PRSS3: variants seen among roughly 807,000 people sequenced by gnomAD.
PRSS3 encodes the protein serine protease 3.
PRSS3 carries 14 observed loss-of-function variants against 20.8 expected under a neutral mutation model. The observed-to-expected ratio is 0.67, with a 90% CI of 0.44 to 1.05. The LOEUF (loss-of-function observed/expected upper bound fraction) is 1.05. Ranked by LOEUF, PRSS3 falls within the 50% of genes least tolerant of loss-of-function variation. The pLI, the probability that PRSS3 is intolerant of heterozygous loss-of-function variation, is 0.00. For synonymous variants in PRSS3, 91 were observed against 117.6 expected (o/e 0.77, Z 1.46); for missense variants, 237 against 306.4 (o/e 0.77, Z 1.69).
chr9:33,770,867 A>G lies in PRSS3; in HGVS notation c.-53+20140A>G, dbSNP rs549949859. 6.6e-5 allele frequency among the ~76,000 whole-genome samples: 10 copies of G among 152,364 alleles called. No individual in the cohort carries two copies. In the South Asian group the frequency reaches 2.1e-3, roughly 32 times the overall value. Reference sequence around the variant, plus strand: ...CACAACGAAGTACCATTCAGCCATCAAAAGGACTCAGTGCTGATTCATGCT... The same window carrying G: ...CACAACGAAGTACCATTCAGCCATCGAAAGGACTCAGTGCTGATTCATGCT... On this transcript the variant is annotated intron_variant, in intron 1 of 5. Coordinates refer to the PRSS3 transcript ENST00000342836.
At chr9:33,779,719 A>C (rs1008515193) in intron 1 of PRSS3, among the ~76,000 whole-genome samples, 4 of 151,884 alleles carry the variant, frequency 2.6e-5, no homozygotes, top group Non-Finnish European at 4.4e-5. Flanking sequence ...ATATAAAAAA[A>C]CTAGCCGGGC....
At chr9:33,784,150 A>C (rs1336121136) in intron 1 of PRSS3, among the ~76,000 whole-genome samples, 1 of 152,164 alleles carries the variant, frequency 6.6e-6, no homozygotes, top group African/African-American at 2.4e-5. Context: ...GCAGTTTGAA[A>C]GGCATGTAAA....
Position 33,797,844 on chromosome 9 carries a change from A to G in PRSS3, c.216A>G (p.Arg72=), listed in dbSNP as rs1825075416. The G allele has an allele frequency of 6.2e-7, 1 of 1,614,138 alleles. No homozygotes were observed. Among genetic ancestry groups the G allele is most frequent in the Non-Finnish European group, 8.5e-7 (1 of 1,180,046 alleles). ...AHCYKTRIQV[R]LGEHNIKVLE... is the part of the protein sequence containing the mutation. ...TGCCCATCAGCCGCATCCAGGTGAG[A>G]CTGGGAGAGCACAACATCAAAGTCC... is the stretch of plus-strand genomic sequence containing the variant. The change falls in exon 3 of 5, where the codon AGA becomes AGG. Residue 72 remains arginine, a synonymous_variant. Coordinates refer to ENST00000379405, the MANE Select transcript of PRSS3 (RefSeq NM_002771.4).
intron 1 of PRSS3, among the ~76,000 whole-genome samples, chr9:33,773,422 G>A (rs1264588694): frequency 6.6e-6 from 1 of 152,164 alleles, no homozygotes; most frequent in Non-Finnish European, 1.5e-5. Flanking sequence ...GAAGTGTTGA[G>A]ATGAGGTCTT....
intron 1 of PRSS3, among the ~76,000 whole-genome samples, chr9:33,765,339 T>C (rs188265745): frequency 1.3e-4 from 20 of 152,374 alleles, no homozygotes; most frequent in Admixed American, 9.8e-4. Flanking sequence ...ATATGTGTAC[T>C]AGAACAATTA....
chr9:33,773,879 A>G (rs1587382042), intron 1 of PRSS3, among the ~76,000 whole-genome samples: 1 of 152,158 alleles, frequency 6.6e-6, no homozygotes, highest in Non-Finnish European at 1.5e-5. Flanking sequence ...GGCTCAAGCA[A>G]TCTTCCTACC....
chr9:33,767,771 G>A (rs1823501231), intron 1 of PRSS3, among the ~76,000 whole-genome samples: 1 of 152,164 alleles, frequency 6.6e-6, no homozygotes, highest in African/African-American at 2.4e-5. Context: ...GTTGCAGTGA[G>A]CCAAGATTGT....
In PRSS3 at chr9:33,787,552, T is replaced by C. The variant is rs181311236; in HGVS notation, c.-52-7194T>C. Among the ~76,000 whole-genome samples, 15 of 152,302 alleles carry C rather than the reference T, an allele frequency of 9.8e-5. No individual in the cohort carries two copies. In the East Asian group the frequency reaches 2.7e-3, roughly 27 times the overall value. On this transcript the variant is annotated intron_variant, in intron 1 of 5. Transcript: ENST00000342836. ...TAAACTTTGGATATACTGCATTTGA[T>C]TGTGCTACTCTATTCCGTTTACTAT...
Position 33,799,150 on chromosome 9 carries a change from G to T in PRSS3, c.714G>T (p.Trp238Cys). ...CCAAGGTCTACAACTATGTGGACTG[G>T]ATTAAGGACACCATCGCTGCCAACA... ...VYTKVYNYVD[W>C]IKDTIAANS is the part of the protein sequence containing the mutation. Residue 238 changes from tryptophan to cysteine, a missense_variant, in exon 5 of 5, where the codon TGG becomes TGT. Coordinates refer to ENST00000379405, the MANE Select transcript of PRSS3 (RefSeq NM_002771.4). 6.2e-7 allele frequency: 1 copy of T among 1,614,206 alleles called. No homozygotes were observed. Among genetic ancestry groups the T allele is most frequent in the Non-Finnish European group, 8.5e-7 (1 of 1,180,034 alleles).
intron 1 of PRSS3, among the ~76,000 whole-genome samples, chr9:33,777,294 GA>G (rs950212553): frequency 3.9e-5 from 6 of 152,096 alleles, no homozygotes; most frequent in African/African-American, 1.4e-4. Flanking sequence ...AATGGCAATG[GA>G]ATTCTCTTAG....
At chr9:33,769,170 A>G (rs1823574297) in intron 1 of PRSS3, among the ~76,000 whole-genome samples, 1 of 152,220 alleles carries the variant, frequency 6.6e-6, no homozygotes, top group Non-Finnish European at 1.5e-5. Context: ...CTTGCTGCTC[A>G]TAGTAAAATA....
intron 1 of PRSS3, among the ~76,000 whole-genome samples, chr9:33,780,055 A>T (rs1386213268): frequency 6.6e-6 from 1 of 152,022 alleles, no homozygotes; most frequent in Non-Finnish European, 1.5e-5. Flanking sequence ...AATTCCAAGA[A>T]ATACAGAGAA....
intron 1 of PRSS3, among the ~76,000 whole-genome samples, chr9:33,753,360 A>G (rs1287686515): frequency 6.6e-6 from 1 of 152,198 alleles, no homozygotes; most frequent in Non-Finnish European, 1.5e-5. Context: ...AAAAAAACGG[A>G]TTTAAAAAAA....
intron 1 of PRSS3, among the ~76,000 whole-genome samples, chr9:33,762,410 C>T (rs993910713): frequency 6.6e-6 from 1 of 152,192 alleles, no homozygotes; most frequent in African/African-American, 2.4e-5. Context: ...AGGACTGCGG[C>T]CACAGTCACA....
rs765112082 is a variant in PRSS3 at position 33,798,492 on chromosome 9, A to G, written c.461A>G (p.Tyr154Cys). 2.5e-6 allele frequency: 4 copies of G among 1,613,874 alleles called. No individual in the cohort carries two copies. The East Asian group carries it at 8.9e-5, about 36-fold the overall frequency. Reference sequence around the variant, plus strand: ...CTCTTCCTGATCCTCACAGCTGACTACCCAGACGAGCTGAAGTGCCTGGAT... The same window carrying G: ...CTCTTCCTGATCCTCACAGCTGACTGCCCAGACGAGCTGAAGTGCCTGGAT... Reference protein sequence around the residue: ...WGNTLSFGADYPDELKCLDAP... With the variant: ...WGNTLSFGADCPDELKCLDAP... The change falls in exon 4 of 5, where the codon TAC (tyrosine) becomes TGC (cysteine). Residue 154 changes from tyrosine to cysteine, a missense_variant. Transcript: ENST00000379405.
intron 1 of PRSS3, among the ~76,000 whole-genome samples, chr9:33,768,547 G>A (rs1028067101): frequency 3.3e-5 from 5 of 150,112 alleles, no homozygotes; most frequent in African/African-American, 4.9e-5. Context: ...GAGAAAGAAA[G>A]AACAGAGCTG....
chr9:33,757,921 T>C (rs1480428169), intron 1 of PRSS3, among the ~76,000 whole-genome samples: 1 of 152,208 alleles, frequency 6.6e-6, no homozygotes, highest in Non-Finnish European at 1.5e-5. Context: ...GAAAGATATC[T>C]AACTACTAGG....
upstream of PRSS3, among the ~76,000 whole-genome samples, chr9:33,792,520 A>C (rs1824680461): frequency 6.6e-6 from 1 of 152,232 alleles, no homozygotes; most frequent in Non-Finnish European, 1.5e-5. Flanking sequence ...AGAGAACAAT[A>C]TCTGCTGCCT....
intron 1 of PRSS3, among the ~76,000 whole-genome samples, chr9:33,777,824 A>G (rs1373517675): frequency 6.6e-6 from 1 of 152,152 alleles, no homozygotes; most frequent in Admixed American, 6.5e-5. Context: ...GGGAGTAGGA[A>G]AAACATCTAT....
Sources: gnomAD v4.1 joint callset for allele counts (sites outside exome capture counted in the v4.1 genomes callset) on GRCh38, gnomAD v4.1.1 for gene constraint, MANE v1.5 for transcripts, NCBI Gene and HGNC (gene_info 2026-07-23, HGNC 2026-07-21) for gene names.